The following ST7 variants were observed in gnomAD, a reference collection of about 807,000 sequenced individuals.
ST7 encodes the protein suppression of tumorigenicity 7.
A neutral mutation model predicts 78.7 loss-of-function variants in ST7; 28 were observed. The ratio of observed to expected loss-of-function variants is 0.36; its 90% confidence interval spans 0.26 to 0.49. The LOEUF is 0.49. Among genes scored for constraint, ST7 ranks in the 20% least tolerant of loss-of-function variants. ST7 has a pLI of 0.99. For missense variants in ST7, 418 were observed against 696.0 expected (o/e 0.60, Z 4.49); for synonymous variants, 247 against 249.6 (o/e 0.99, Z 0.10).
At chr7:117,096,034 C>G (rs977839162) in intron 1 of ST7, among the ~76,000 whole-genome samples, 1 of 133,638 alleles carries the variant, frequency 7.5e-6, no homozygotes, top group Admixed American at 8.4e-5. Context: ...TGCCACTGCA[C>G]TCCAGCCTGG....
At chr7:117,221,877 G>A (rs1793119451) in intron 14 of ST7, 46 bp from the exon 15 acceptor site, 3 of 1,554,318 alleles carry the variant, frequency 1.9e-6, no homozygotes, top group Non-Finnish European at 2.6e-6. Flanking sequence ...CCCTGAGAGT[G>A]CAGTTTACTC....
chr7:116,954,613 A>G (rs1792349247), intron 1 of ST7: 1 of 153,024 alleles, frequency 6.5e-6, no homozygotes, highest in Non-Finnish European at 1.5e-5. Context: ...AACACTCCAG[A>G]GAGTTCCGAA....
chr7:117,003,232 A>G (rs1346152832), intron 1 of ST7, among the ~76,000 whole-genome samples: 1 of 151,274 alleles, frequency 6.6e-6, no homozygotes, highest in Non-Finnish European at 1.5e-5. Context: ...CCTGGGCCCA[A>G]GTGATCTTTC....
At position 117,120,694 on chromosome 7, in the gene ST7, C is replaced by T. The variant is rs558732177; in HGVS notation, c.394+974C>T. On this transcript the variant is annotated intron_variant, in intron 3 of 15. Coordinates refer to ENST00000323984, the MANE Select transcript of ST7 (RefSeq NM_001369598.1). Reference sequence around the variant, plus strand: ...CTCTGATAGTCTGTACACTATCTCTCTACTTCTGTTAATCTTTAATATTTT... The same window carrying T: ...CTCTGATAGTCTGTACACTATCTCTTTACTTCTGTTAATCTTTAATATTTT... Among the ~76,000 whole-genome samples the T allele has an allele frequency of 8.5e-5, 13 of 152,334 alleles. No individual in the cohort carries two copies. In the South Asian group the frequency reaches 2.5e-3, roughly 29 times the overall value.
At chr7:117,052,270 A>G (rs770652680) in intron 1 of ST7, among the ~76,000 whole-genome samples, 4 of 152,234 alleles carry the variant, frequency 2.6e-5, no homozygotes, top group Non-Finnish European at 5.9e-5. Flanking sequence ...TCAACTAGAA[A>G]GATTATCTTT....
chr7:117,044,012 C>T (rs1797363134), intron 1 of ST7, among the ~76,000 whole-genome samples: 1 of 152,192 alleles, frequency 6.6e-6, no homozygotes, highest in Admixed American at 6.5e-5. Flanking sequence ...CCAGGACTTA[C>T]TCTGCATCTT....
chr7:117,130,396 A>T, intron 4 of ST7, 95 bp from the exon 5 acceptor site: 1 of 780,132 alleles, frequency 1.3e-6, no homozygotes, highest in Non-Finnish European at 2.0e-6. Context: ...GTATTCAGTT[A>T]ATGGTCTATA....
In ST7 at chr7:117,036,922, G is replaced by A. The variant is rs558106090; in HGVS notation, c.152-62840G>A. Reference sequence around the variant, plus strand: ...AGTTTCAGACTTTTTTTCTTTCAGCGCTTCAGCCTAAAGGCCGCTTACAGA... The same window carrying A: ...AGTTTCAGACTTTTTTTCTTTCAGCACTTCAGCCTAAAGGCCGCTTACAGA... On this transcript the variant is annotated intron_variant, in intron 1 of 15. Transcript: ENST00000323984. Among the ~76,000 whole-genome samples the A allele has an allele frequency of 2.4e-4, 37 of 152,056 alleles. No individual in the cohort carries two copies. The South Asian group carries it at 4.8e-3, about 20-fold the overall frequency.
intron 1 of ST7, among the ~76,000 whole-genome samples, chr7:117,038,719 G>T (rs1797038562): frequency 6.6e-6 from 1 of 152,174 alleles, no homozygotes; most frequent in Non-Finnish European, 1.5e-5. Context: ...CAGTGTATTA[G>T]GGGATTTACA....
At chr7:117,089,817 G>C (rs902685102) in intron 1 of ST7, among the ~76,000 whole-genome samples, 1 of 151,940 alleles carries the variant, frequency 6.6e-6, no homozygotes, top group African/African-American at 2.4e-5. Flanking sequence ...TGATCCTCCC[G>C]CCTCGGCCTC....
intron 1 of ST7, chr7:117,073,909 G>A (rs1327423337): frequency 2.0e-5 from 3 of 152,086 alleles, no homozygotes; most frequent in Non-Finnish European, 4.4e-5. Context: ...AACATTTCTT[G>A]AAGTATTGTT....
intron 3 of ST7, among the ~76,000 whole-genome samples, chr7:117,122,869 G>A (rs1269642556): frequency 2.6e-5 from 4 of 152,234 alleles, no homozygotes; most frequent in Admixed American, 2.0e-4. Flanking sequence ...GGTACATTAG[G>A]TACATTGTCT....
intron 1 of ST7, chr7:116,972,334 G>T: frequency 1.7e-6 from 1 of 601,758 alleles, no homozygotes; most frequent in Non-Finnish European, 3.0e-6. Flanking sequence ...GAATTTATCA[G>T]TAAGAATCTT....
chr7:117,049,200 G>T (rs896169148), intron 1 of ST7, among the ~76,000 whole-genome samples: 1 of 152,150 alleles, frequency 6.6e-6, no homozygotes, highest in Non-Finnish European at 1.5e-5. Context: ...AGTAGAAGTC[G>T]CCTATCTCTA....
chr7:116,972,015 A>G, intron 1 of ST7: 1 of 429,916 alleles, frequency 2.3e-6, no homozygotes, highest in South Asian at 2.0e-5. Flanking sequence ...AGTTTGGGGA[A>G]AAAGACACAG....
chr7:116,988,205 A>T (rs1322466227), intron 1 of ST7, among the ~76,000 whole-genome samples: 1 of 152,166 alleles, frequency 6.6e-6, no homozygotes, highest in Admixed American at 6.5e-5. Flanking sequence ...TATTTTCCTG[A>T]ATCAGCCCAT....
chr7:117,039,640 T>G (rs950233119), intron 1 of ST7, among the ~76,000 whole-genome samples: 1 of 152,162 alleles, frequency 6.6e-6, no homozygotes, highest in African/African-American at 2.4e-5. Flanking sequence ...AAGAATGCAC[T>G]AATATCATTT....
intron 1 of ST7, among the ~76,000 whole-genome samples, chr7:116,960,335 G>T (rs1792761000): frequency 6.6e-6 from 1 of 152,064 alleles, no homozygotes; most frequent in Non-Finnish European, 1.5e-5. Context: ...GATTACAGGT[G>T]CATGCCATCA....
At chr7:117,096,228 C>A (rs1349350391) in intron 1 of ST7, among the ~76,000 whole-genome samples, 1 of 151,918 alleles carries the variant, frequency 6.6e-6, no homozygotes, top group Non-Finnish European at 1.5e-5. Flanking sequence ...TGAAGCTAGG[C>A]AAGATATTTT....
Sources: gnomAD v4.1 joint callset for allele counts (sites outside exome capture counted in the v4.1 genomes callset) on GRCh38, gnomAD v4.1.1 for gene constraint, MANE v1.5 for transcripts, NCBI Gene and HGNC (gene_info 2026-07-23, HGNC 2026-07-21) for gene names.